Variants in CREM observed in about 807,000 individuals in gnomAD.
CREM encodes cAMP-responsive element modulator.
A neutral mutation model predicts 37.3 loss-of-function variants in CREM; 13 were observed. The ratio of observed to expected loss-of-function variants is 0.35; its 90% CI spans 0.23 to 0.55. The LOEUF (loss-of-function observed/expected upper bound fraction) is 0.55. CREM is among the 20% of genes least tolerant of loss of function. The probability of loss-of-function intolerance (pLI) is 0.88; values close to 1 mark genes in which losing one functional copy is unlikely to be tolerated. For missense variants in CREM, 296 were observed against 362.3 expected (o/e 0.82, Z 1.49); for synonymous variants, 124 against 120.2 (o/e 1.03, Z -0.21).
At position 35,159,362 on chromosome 10, in the gene CREM, C is replaced by T. The variant is rs1589645218; in HGVS notation, c.168+10871C>T. On this transcript the variant is annotated intron_variant, in intron 3 of 7. Coordinates refer to ENST00000685392, the MANE Select transcript of CREM (RefSeq NM_183011.2). Reference sequence around the variant, plus strand: ...TATAGTAATTAAAACTGCATGGTACCAGCATGAAAACAGATACATTGATCA... The same window carrying T: ...TATAGTAATTAAAACTGCATGGTACTAGCATGAAAACAGATACATTGATCA... Among the ~76,000 whole-genome samples the T allele has an allele frequency of 2.0e-5, 3 of 151,792 alleles. No individual in the cohort carries two copies. The East Asian group carries it at 5.8e-4, about 29-fold the overall frequency.
intron 3 of CREM, among the ~76,000 whole-genome samples, chr10:35,155,226 C>A (rs369653341): frequency 6.6e-6 from 1 of 152,112 alleles, no homozygotes; most frequent in East Asian, 1.9e-4. Flanking sequence ...AGAAAATGTT[C>A]AAGTTCCCTT....
chr10:35,163,624 C>T (rs2093399307), intron 3 of CREM, among the ~76,000 whole-genome samples: 1 of 152,100 alleles, frequency 6.6e-6, no homozygotes, highest in African/African-American at 2.4e-5. Flanking sequence ...TCAAGACCAG[C>T]CTGGCCAACA....
intron 3 of CREM, among the ~76,000 whole-genome samples, chr10:35,153,219 C>A (rs1278910688): frequency 6.6e-6 from 1 of 152,110 alleles, no homozygotes; most frequent in Non-Finnish European, 1.5e-5. Flanking sequence ...ATAACCACTG[C>A]ACTCCAGCCT....
At chr10:35,133,473 A>AT (rs948356244) in intron 1 of CREM, among the ~76,000 whole-genome samples, 1 of 151,882 alleles carries the variant, frequency 6.6e-6, no homozygotes, top group East Asian at 1.9e-4. Context: ...TAATTTCTGT[A>AT]TTTTTTGCAG....
chr10:35,186,908 AATT>A (rs1341798314), intron 5 of CREM, among the ~76,000 whole-genome samples: 117 of 98,320 alleles, frequency 1.2e-3, no homozygotes, highest in African/African-American at 4.5e-3. Context: ...AAAATATAAT[AATT>A]ATTAAAATAT....
rs73260887 is a variant in CREM at position 35,184,624 on chromosome 10, T to C, written c.410-3576T>C. 3.8e-3 allele frequency among the ~76,000 whole-genome samples: 575 copies of C among 152,258 alleles called. 6 individuals are homozygous for C. Among genetic ancestry groups the C allele is most frequent in the African/African-American group, 0.013 (534 of 41,544 alleles). On this transcript the variant is annotated intron_variant, in intron 5 of 7. Coordinates refer to ENST00000685392, the MANE Select transcript of CREM (RefSeq NM_183011.2). Reference sequence around the variant, plus strand: ...AGAGCCAGTGTGTGAGGGGTGTGTGTGTGTGTTTGTTTAGCTTTTGTTTTC... The same window carrying C: ...AGAGCCAGTGTGTGAGGGGTGTGTGCGTGTGTTTGTTTAGCTTTTGTTTTC...
chr10:35,206,335 A>T (rs545301176), intron 6 of CREM, among the ~76,000 whole-genome samples: 31 of 152,198 alleles, frequency 2.0e-4, no homozygotes, highest in African/African-American at 7.5e-4. Context: ...CACAATTTAC[A>T]CATTAAAAAC....
intron 2 of CREM, among the ~76,000 whole-genome samples, chr10:35,147,839 A>G (rs1412327988): frequency 1.3e-5 from 2 of 152,256 alleles, no homozygotes; most frequent in Non-Finnish European, 2.9e-5. Flanking sequence ...GGTAATGTTC[A>G]TATTCAGTGA....
chr10:35,164,179 A>C (rs1305264096), intron 3 of CREM, among the ~76,000 whole-genome samples: 6 of 152,222 alleles, frequency 3.9e-5, no homozygotes. Context: ...AAACATGGAA[A>C]ATACTGATTT....
Position 35,211,567 on chromosome 10 carries a change from G to A in CREM, c.*169G>A, listed in dbSNP as rs1413652126. 1.4e-5 allele frequency: 22 copies of A among 1,528,562 alleles called. No individual in the cohort carries two copies. The highest frequency in any genetic ancestry group is 1.7e-4 in the Middle Eastern group (1 of 5,746). 94.7% of individuals were successfully genotyped at this position (1,528,562 alleles called of 1,614,324 possible). A position where few individuals can be genotyped will look rare whatever the true frequency, so the allele number is the denominator to read the frequency against. ...TTGTTCCAGGATGTGGAATGCAGCC[G>A]TGATCACACTTACCGAGCTTACTTT... is the stretch of plus-strand genomic sequence containing the variant. On this transcript the variant is annotated 3_prime_UTR_variant, in exon 8 of 8. Coordinates refer to ENST00000685392, the MANE Select transcript of CREM (RefSeq NM_183011.2).
chr10:35,130,035 A>G (rs947862540), intron 1 of CREM, among the ~76,000 whole-genome samples: 1 of 152,194 alleles, frequency 6.6e-6, no homozygotes, highest in East Asian at 1.9e-4. Flanking sequence ...CGTCTCTACT[A>G]AAAATACAAA....
chr10:35,132,018 T>C (rs2089481489), intron 1 of CREM, among the ~76,000 whole-genome samples: 1 of 151,964 alleles, frequency 6.6e-6, no homozygotes, highest in East Asian at 1.9e-4. Flanking sequence ...TGACCAAACA[T>C]GGTGAAACCC....
intron 5 of CREM, among the ~76,000 whole-genome samples, chr10:35,180,368 T>C (rs2094303044): frequency 6.6e-6 from 1 of 152,372 alleles, no homozygotes; most frequent in African/African-American, 2.4e-5. Flanking sequence ...ATTTAAGTCC[T>C]GACTACTAAA....
At chr10:35,198,412 A>G (rs2095280264) in intron 6 of CREM, among the ~76,000 whole-genome samples, 2 of 151,676 alleles carry the variant, frequency 1.3e-5, no homozygotes, top group African/African-American at 4.8e-5. Flanking sequence ...AATCTCAGCT[A>G]CTCGGGAAGC....
At chr10:35,175,641 A>T in intron 3 of CREM, 1 of 1,609,284 alleles carries the variant, frequency 6.2e-7, no homozygotes, top group South Asian at 1.1e-5. Context: ...GATAAGGAGC[A>T]TGTGTTCCTT....
At chr10:35,147,213 C>T (rs1297373137) in intron 2 of CREM, among the ~76,000 whole-genome samples, 1 of 151,350 alleles carries the variant, frequency 6.6e-6, no homozygotes, top group Non-Finnish European at 1.5e-5. Flanking sequence ...ACGGTGGCGC[C>T]CGGCTAATTT....
At chr10:35,192,825 C>T (rs1286738218) in intron 6 of CREM, among the ~76,000 whole-genome samples, 10 of 152,182 alleles carry the variant, frequency 6.6e-5, no homozygotes, top group Admixed American at 6.5e-4. Context: ...CAAAAGCATC[C>T]ATCAATGTCT....
At chr10:35,132,869 C>T (rs1422269937) in intron 1 of CREM, among the ~76,000 whole-genome samples, 1 of 152,212 alleles carries the variant, frequency 6.6e-6, no homozygotes, top group Non-Finnish European at 1.5e-5. Flanking sequence ...ACCAACTTTA[C>T]AATATGAGCT....
At chr10:35,172,355 G>A (rs951703995) in intron 3 of CREM, among the ~76,000 whole-genome samples, 7 of 152,062 alleles carry the variant, frequency 4.6e-5, no homozygotes, top group African/African-American at 1.4e-4. Flanking sequence ...AGAACCCTGG[G>A]GGTGACTCTG....
Sources: gnomAD v4.1 joint callset for allele counts (sites outside exome capture counted in the v4.1 genomes callset) on GRCh38, gnomAD v4.1.1 for gene constraint, MANE v1.5 for transcripts, NCBI Gene and HGNC (gene_info 2026-07-23, HGNC 2026-07-21) for gene names.